IL1RAPL1: variants seen among roughly 807,000 people sequenced by gnomAD.
IL1RAPL1 encodes interleukin 1 receptor accessory protein like 1.
Under a neutral mutation model 48.4 loss-of-function variants are expected in IL1RAPL1, and 3 were observed. The ratio of observed to expected loss-of-function variants is 0.06; its 90% CI spans 0.03 to 0.16. IL1RAPL1 has a LOEUF of 0.16. Among genes scored for constraint, IL1RAPL1 ranks in the 10% least tolerant of loss-of-function variants. The pLI, the probability that IL1RAPL1 is intolerant of heterozygous loss-of-function variation, is 1.00. For synonymous variants in IL1RAPL1, 185 were observed against 187.7 expected (o/e 0.99, Z 0.12); for missense variants, 349 against 530.6 (o/e 0.66, Z 3.36).
At chrX:29,582,281 TAATC>T (rs1411410669) in intron 5 of IL1RAPL1, among the ~76,000 whole-genome samples, 81 of 111,809 alleles carry the variant, frequency 7.2e-4, no homozygotes, top group African/African-American at 2.6e-3. Context: ...ACTATGTAAT[TAATC>T]AATTAATTAA....
chrX:29,667,932 ATACT>A (rs1926043496), intron 5 of IL1RAPL1, among the ~76,000 whole-genome samples: 1 of 111,947 alleles, frequency 8.9e-6, no homozygotes, highest in South Asian at 3.7e-4. Flanking sequence ...TATGTAGGAA[ATACT>A]TAATGTAATA....
intron 3 of IL1RAPL1, among the ~76,000 whole-genome samples, chrX:29,390,809 C>T (rs1045785744): frequency 8.9e-6 from 1 of 112,011 alleles, no homozygotes; most frequent in African/African-American, 3.2e-5. Flanking sequence ...CTTCTGCCTG[C>T]ACTACCCAAA....
At chrX:29,763,475 T>G (rs1816445970) in intron 6 of IL1RAPL1, among the ~76,000 whole-genome samples, 1 of 111,170 alleles carries the variant, frequency 9.0e-6, no homozygotes, top group African/African-American at 3.3e-5. Context: ...AAAATACTCA[T>G]AGTAACAGTA....
At chrX:29,802,759 A>ATATATATATATATG (rs1929946343) in intron 6 of IL1RAPL1, among the ~76,000 whole-genome samples, 1 of 21,718 alleles carries the variant, frequency 4.6e-5, no homozygotes, top group African/African-American at 2.8e-4. Context: ...ATATATATAT[A>ATATATATATATATG]TATATATATA....
chrX:29,761,455 G>A lies in IL1RAPL1; in HGVS notation c.778+92951G>A, dbSNP rs923877524. Reference sequence around the variant, plus strand: ...CAATCACACAACATATTATAGAAAAGCTGCTGTGTGTAAGATCAGCCTTGA... The same window carrying A: ...CAATCACACAACATATTATAGAAAAACTGCTGTGTGTAAGATCAGCCTTGA... On this transcript the variant is annotated intron_variant, in intron 6 of 10. Coordinates refer to ENST00000378993, the MANE Select transcript of IL1RAPL1 (RefSeq NM_014271.4). 3.6e-5 allele frequency among the ~76,000 whole-genome samples: 4 copies of A among 111,788 alleles called. No individual in the cohort carries two copies. The Admixed American group carries it at 3.8e-4, about 11-fold the overall frequency.
intron 5 of IL1RAPL1, among the ~76,000 whole-genome samples, chrX:29,615,311 C>T (rs1394100032): frequency 9.1e-6 from 1 of 110,104 alleles, no homozygotes; most frequent in East Asian, 2.8e-4. Context: ...TATGGTTTAA[C>T]AGAAGATTAT....
chrX:29,248,458 A>G (rs1429385710), intron 2 of IL1RAPL1, among the ~76,000 whole-genome samples: 1 of 111,898 alleles, frequency 8.9e-6, no homozygotes, highest in Non-Finnish European at 1.9e-5. Context: ...TACAAGTTAT[A>G]TCACGAACAA....
chrX:29,548,587 G>C (rs1369837320), intron 5 of IL1RAPL1, among the ~76,000 whole-genome samples: 1 of 111,720 alleles, frequency 9.0e-6, no homozygotes, highest in Non-Finnish European at 1.9e-5. Flanking sequence ...AACGTGAAAG[G>C]TTTTTTATGA....
intron 3 of IL1RAPL1, among the ~76,000 whole-genome samples, chrX:29,355,557 T>G (rs1359319376): frequency 8.9e-6 from 1 of 112,230 alleles, no homozygotes; most frequent in Admixed American, 9.5e-5. Context: ...GTGTCAGAAA[T>G]AGCTCCTTTG....
At chrX:29,051,717 C>T (rs1042828137) in intron 2 of IL1RAPL1, among the ~76,000 whole-genome samples, 6 of 111,660 alleles carry the variant, frequency 5.4e-5, no homozygotes, top group Non-Finnish European at 1.1e-4. Context: ...ATCATTCAGA[C>T]GTATGTGAAA....
Position 28,706,946 on chromosome X carries a change from A to G in IL1RAPL1, c.-24-82374A>G, listed in dbSNP as rs776423860. ...GTGAAAAGAAATGACTGTCTTCATAAATAATTCGCTCATCTAAAAAATATT... is the reference window on the plus strand; with the variant it reads ...GTGAAAAGAAATGACTGTCTTCATAGATAATTCGCTCATCTAAAAAATATT... On this transcript the variant is annotated intron_variant, in intron 1 of 10. Coordinates refer to ENST00000378993, the MANE Select transcript of IL1RAPL1 (RefSeq NM_014271.4). Among the ~76,000 whole-genome samples, 7 of 112,221 alleles carry G rather than the reference A, an allele frequency of 6.2e-5. No homozygotes were observed. In the South Asian group the frequency reaches 2.6e-3, roughly 41 times the overall value.
At chrX:29,080,986 T>TC (rs1927806770) in intron 2 of IL1RAPL1, among the ~76,000 whole-genome samples, 1 of 39,060 alleles carries the variant, frequency 2.6e-5, no homozygotes. Flanking sequence ...CTTTCTTTCT[T>TC]TCTTTCTTTC....
intron 5 of IL1RAPL1, among the ~76,000 whole-genome samples, chrX:29,539,477 C>T (rs1324335224): frequency 9.0e-6 from 1 of 111,067 alleles, no homozygotes; most frequent in Non-Finnish European, 1.9e-5. Flanking sequence ...CAAGGATGCC[C>T]CCTCTCACTG....
chrX:29,442,205 A>T (rs771657966), intron 5 of IL1RAPL1, among the ~76,000 whole-genome samples: 14 of 112,158 alleles, frequency 1.2e-4, no homozygotes, highest in Middle Eastern at 4.6e-3. Context: ...CTGGTACAAA[A>T]ATAGGTACAT....
chrX:29,795,265 T>G (rs1929716600), intron 6 of IL1RAPL1, among the ~76,000 whole-genome samples: 1 of 111,915 alleles, frequency 8.9e-6, no homozygotes, highest in Admixed American at 9.5e-5. Context: ...TATACACATA[T>G]CATTGTAGGA....
At chrX:29,720,938 C>T (rs1192686484) in intron 6 of IL1RAPL1, among the ~76,000 whole-genome samples, 1 of 111,832 alleles carries the variant, frequency 8.9e-6, no homozygotes, top group Non-Finnish European at 1.9e-5. Context: ...CAAGATTTTC[C>T]CATGATTCTC....
At chrX:29,048,505 T>A (rs1479388938) in intron 2 of IL1RAPL1, among the ~76,000 whole-genome samples, 2 of 112,067 alleles carry the variant, frequency 1.8e-5, no homozygotes, top group Non-Finnish European at 3.8e-5. Context: ...AGCATACAAA[T>A]CTTTTATTTA....
intron 5 of IL1RAPL1, among the ~76,000 whole-genome samples, chrX:29,662,125 G>A: frequency 8.9e-6 from 1 of 111,782 alleles, no homozygotes; most frequent in Non-Finnish European, 1.9e-5. Context: ...GGCCCTTCCT[G>A]CATTGGCCAG....
Position 29,910,857 on chromosome X carries a change from C to T in IL1RAPL1, c.779-6607C>T, listed in dbSNP as rs767352564. Reference sequence around the variant, plus strand: ...CTCACTAGGATGGCTATAATCAAAGCGACAGATGCTAAGAAGTGTTGACAA... The same window carrying T: ...CTCACTAGGATGGCTATAATCAAAGTGACAGATGCTAAGAAGTGTTGACAA... On this transcript the variant is annotated intron_variant, in intron 6 of 10. Coordinates refer to ENST00000378993, the MANE Select transcript of IL1RAPL1 (RefSeq NM_014271.4). 7.5e-4 allele frequency among the ~76,000 whole-genome samples: 84 copies of T among 111,372 alleles called. No homozygotes were observed. The South Asian group carries it at 8.8e-3, about 12-fold the overall frequency.
Sources: gnomAD v4.1 joint callset for allele counts (sites outside exome capture counted in the v4.1 genomes callset) on GRCh38, gnomAD v4.1.1 for gene constraint, MANE v1.5 for transcripts, NCBI Gene and HGNC (gene_info 2026-07-23, HGNC 2026-07-21) for gene names.